Variants in IQUB observed in about 807,000 individuals in gnomAD.
IQUB encodes IQ motif and ubiquitin-like domain-containing protein.
IQUB carries 86 observed loss-of-function variants against 86.4 expected under a neutral mutation model. The ratio of observed to expected loss-of-function variants is 1.00; its 90% CI spans 0.84 to 1.19. IQUB has a LOEUF of 1.19. IQUB is among the 50% of genes most tolerant of loss of function. The pLI, the probability that IQUB is intolerant of heterozygous loss-of-function variation, is 0.00. For synonymous variants in IQUB, 289 were observed against 304.5 expected, an observed-to-expected ratio of 0.95 and a Z score of 0.53; for missense variants, 946 against 916.9, an observed-to-expected ratio of 1.03 and a Z score of -0.41.
At chr7:123,487,466 T>A (rs144834284) in intron 7 of IQUB, among the ~76,000 whole-genome samples, 1 of 152,328 alleles carries the variant, frequency 6.6e-6, no homozygotes, top group East Asian at 1.9e-4. Flanking sequence ...CAGGTATTCA[T>A]TTACAGCTAA....
In IQUB at chr7:123,522,371, A is replaced by G. The variant is rs149774279; in HGVS notation, c.-4-10027T>C. Among the ~76,000 whole-genome samples, 192 of 152,314 alleles carry G rather than the reference A, an allele frequency of 1.3e-3. 1 individual carries two copies. Among genetic ancestry groups the G allele is most frequent in the African/African-American group, 4.3e-3 (177 of 41,580 alleles). On this transcript the variant is annotated intron_variant, in intron 1 of 12. Transcript: ENST00000324698. ...AACAGTGACTAATTTATTAGTTTGT[A>G]CATAGGGTAAAACGCCAGACCCCTC...
intron 6 of IQUB, chr7:123,501,274 G>T (rs1286597572): frequency 1.3e-5 from 2 of 152,304 alleles, no homozygotes; most frequent in Non-Finnish European, 2.9e-5. Context: ...AAAGATGAAA[G>T]GAGTTTATGA....
intron 8 of IQUB, 114 bp from the exon 9 acceptor site, chr7:123,469,498 T>A (rs1440163836): frequency 2.0e-6 from 1 of 493,978 alleles, no homozygotes; most frequent in Non-Finnish European, 3.4e-6. Context: ...ACTAAAGTAT[T>A]GCTAAAGCTT....
intron 3 of IQUB, 110 bp from the exon 4 acceptor site, chr7:123,503,473 G>A (rs2402660): frequency 1 from 629,905 of 632,110 alleles, 313,885 homozygotes; most frequent in East Asian, 1. Context: ...ATTGTGTACA[G>A]CATGCTTTGA....
intron 1 of IQUB, among the ~76,000 whole-genome samples, chr7:123,518,601 T>C (rs1796757993): frequency 6.6e-6 from 1 of 152,140 alleles, no homozygotes; most frequent in Non-Finnish European, 1.5e-5. Flanking sequence ...AATGTGTTAC[T>C]ACAAACATTT....
At chr7:123,479,732 A>G (rs2117074132) in intron 8 of IQUB, 63 bp downstream of exon 8, 1 of 1,177,662 alleles carries the variant, frequency 8.5e-7, no homozygotes, top group East Asian at 2.4e-5. Flanking sequence ...CTTGTCTGGT[A>G]CATTATTCTA....
intron 8 of IQUB, among the ~76,000 whole-genome samples, chr7:123,475,052 T>C (rs1165279481): frequency 6.6e-6 from 1 of 152,182 alleles, no homozygotes; most frequent in Non-Finnish European, 1.5e-5. Context: ...TCCTCTCCCT[T>C]TCCAAAAATA....
chr7:123,531,118 CAAAG>C (rs1007954940), intron 1 of IQUB, among the ~76,000 whole-genome samples: 6 of 152,056 alleles, frequency 3.9e-5, no homozygotes, highest in Admixed American at 3.9e-4. Flanking sequence ...AAGAAAAACA[CAAAG>C]AACAATTAAG....
intron 8 of IQUB, among the ~76,000 whole-genome samples, chr7:123,470,039 T>A (rs536571530): frequency 6.6e-6 from 1 of 152,204 alleles, no homozygotes; most frequent in East Asian, 1.9e-4. Flanking sequence ...ACCTCCTAAA[T>A]GAAGGGCCAA....
intron 4 of IQUB, 30 bp from the exon 5 acceptor site, chr7:123,503,146 G>A: frequency 1.2e-6 from 2 of 1,609,288 alleles, no homozygotes; most frequent in East Asian, 4.5e-5. Context: ...TTCAATGAAA[G>A]CTCAACCAAG....
At chr7:123,532,781 C>T (rs1797596488) in intron 1 of IQUB, 2 of 152,182 alleles carry the variant, frequency 1.3e-5, no homozygotes, top group Non-Finnish European at 2.9e-5. Context: ...CTCCTGAAGA[C>T]ACCTAACCTC....
intron 1 of IQUB, among the ~76,000 whole-genome samples, chr7:123,531,557 CTT>C (rs1270477669): frequency 6.6e-6 from 1 of 152,066 alleles, no homozygotes; most frequent in African/African-American, 2.4e-5. Context: ...AACTCAAAGT[CTT>C]ATATTATTAA....
chr7:123,500,551 T>TA (rs1486634234), intron 6 of IQUB, among the ~76,000 whole-genome samples: 1 of 151,838 alleles, frequency 6.6e-6, no homozygotes, highest in Non-Finnish European at 1.5e-5. Flanking sequence ...CAAAACCTAT[T>TA]AAAAAAATAA....
intron 9 of IQUB, among the ~76,000 whole-genome samples, chr7:123,468,864 A>G (rs75283974): frequency 0.01 from 1,538 of 152,366 alleles, 48 homozygotes; most frequent in Admixed American, 0.054. Context: ...TTGATGAGAA[A>G]AAAGATAAAA....
At chr7:123,509,634 G>C (rs764218841) in intron 3 of IQUB, among the ~76,000 whole-genome samples, 1 of 152,094 alleles carries the variant, frequency 6.6e-6, no homozygotes, top group African/African-American at 2.4e-5. Context: ...TTACATGGTA[G>C]CTACTGCATG....
intron 1 of IQUB, among the ~76,000 whole-genome samples, chr7:123,526,464 G>C (rs1037324752): frequency 1.3e-5 from 2 of 152,176 alleles, no homozygotes; most frequent in Admixed American, 6.5e-5. Context: ...GGCCTTCTTT[G>C]TATCTTTTGA....
chr7:123,499,723 T>C (rs868086706), intron 6 of IQUB, among the ~76,000 whole-genome samples: 1 of 152,102 alleles, frequency 6.6e-6, no homozygotes, highest in Non-Finnish European at 1.5e-5. Flanking sequence ...ATAAAAAAAT[T>C]AGTTATGTTA....
intron 1 of IQUB, among the ~76,000 whole-genome samples, chr7:123,522,829 A>C (rs1199681045): frequency 6.7e-6 from 1 of 148,430 alleles, no homozygotes; most frequent in East Asian, 2.1e-4. Context: ...CATTAGGTAT[A>C]TCTCCCAATG....
intron 7 of IQUB, among the ~76,000 whole-genome samples, chr7:123,482,016 C>T (rs892043635): frequency 4.6e-5 from 7 of 151,106 alleles, no homozygotes; most frequent in South Asian, 2.1e-4. Context: ...GAAATTTAAA[C>T]GGTTAGCAGA....
Sources: gnomAD v4.1 joint callset for allele counts (sites outside exome capture counted in the v4.1 genomes callset) on GRCh38, gnomAD v4.1.1 for gene constraint, MANE v1.5 for transcripts, NCBI Gene and HGNC (gene_info 2026-07-23, HGNC 2026-07-21) for gene names.